The following EPHB2 variants were observed in gnomAD, a reference collection of about 807,000 sequenced individuals.
EPHB2 encodes EPH receptor B2, also known as ephrin type-B receptor 2.
Under a neutral mutation model 96.4 loss-of-function variants are expected in EPHB2, and 18 were observed. The ratio of observed to expected loss-of-function variants is 0.19; its 90% CI spans 0.13 to 0.28. The LOEUF (loss-of-function observed/expected upper bound fraction) is 0.28, where lower values mean the gene tolerates loss of function less well. Among genes scored for constraint, EPHB2 ranks in the 10% least tolerant of loss-of-function variants. The pLI is 1.00. For missense variants in EPHB2, 989 were observed against 1,355.4 expected, an observed-to-expected ratio of 0.73 and a Z score of 4.25; for synonymous variants, 506 against 534.1, an observed-to-expected ratio of 0.95 and a Z score of 0.72.
chr1:22,711,075 G>C (rs2148324923), intron 1 of EPHB2, 32 bp downstream of exon 1: 1 of 147,820 alleles, frequency 6.8e-6, no homozygotes, highest in East Asian at 2.0e-4. Flanking sequence ...CGGGCGATGG[G>C]GGCGGGGAGC....
chr1:22,881,848 C>T (rs1398518598), intron 5 of EPHB2, among the ~76,000 whole-genome samples: 1 of 152,154 alleles, frequency 6.6e-6, no homozygotes, highest in African/African-American at 2.4e-5. Flanking sequence ...CCACCTCAGC[C>T]TCCCAAAGTG....
chr1:22,719,773 A>C (rs751611014), intron 1 of EPHB2, among the ~76,000 whole-genome samples: 1 of 152,136 alleles, frequency 6.6e-6, no homozygotes, highest in Non-Finnish European at 1.5e-5. Flanking sequence ...GCCCATTGCC[A>C]GGGTTCAGGG....
chr1:22,774,684 A>G (rs1644423283), intron 1 of EPHB2: 1 of 916,362 alleles, frequency 1.1e-6, no homozygotes, highest in Admixed American at 6.2e-5. Context: ...TACCTTGTTA[A>G]GAGCTAGGAC....
chr1:22,840,422 G>A (rs1011318299), intron 3 of EPHB2, among the ~76,000 whole-genome samples: 1 of 152,132 alleles, frequency 6.6e-6, no homozygotes, highest in African/African-American at 2.4e-5. Flanking sequence ...GACCATCAGG[G>A]TGGTAAAACC....
At chr1:22,809,469 T>C (rs1644973614) in intron 3 of EPHB2, among the ~76,000 whole-genome samples, 1 of 152,246 alleles carries the variant, frequency 6.6e-6, no homozygotes, top group Non-Finnish European at 1.5e-5. Context: ...TAGTATCTGA[T>C]ATATTAATAT....
chr1:22,780,758 G>A (rs972973659), intron 1 of EPHB2, among the ~76,000 whole-genome samples: 11 of 152,250 alleles, frequency 7.2e-5, no homozygotes, highest in African/African-American at 2.4e-4. Flanking sequence ...GACCCTCCTC[G>A]TCCAGAAAAG....
intron 3 of EPHB2, among the ~76,000 whole-genome samples, chr1:22,789,833 A>T (rs1489799468): frequency 6.6e-6 from 1 of 152,172 alleles, no homozygotes; most frequent in African/African-American, 2.4e-5. Context: ...GTGCTTCAGG[A>T]AGGGCTTCCT....
chr1:22,824,154 A>T (rs914243680), intron 3 of EPHB2, among the ~76,000 whole-genome samples: 1 of 152,024 alleles, frequency 6.6e-6, no homozygotes, highest in Non-Finnish European at 1.5e-5. Flanking sequence ...TCATCAGTGG[A>T]TGGGAGAAAA....
At chr1:22,792,046 C>A (rs929274471) in intron 3 of EPHB2, among the ~76,000 whole-genome samples, 3 of 152,174 alleles carry the variant, frequency 2.0e-5, no homozygotes, top group African/African-American at 7.2e-5. Flanking sequence ...TGTTTCACTC[C>A]AGAATCCTGT....
chr1:22,716,769 C>T (rs1643305236), intron 1 of EPHB2, among the ~76,000 whole-genome samples: 1 of 152,200 alleles, frequency 6.6e-6, no homozygotes, highest in Non-Finnish European at 1.5e-5. Context: ...AGGCCCCTAA[C>T]AGGAAGGGGC....
At chr1:22,738,089 T>A (rs758149935) in intron 1 of EPHB2, among the ~76,000 whole-genome samples, 7 of 152,162 alleles carry the variant, frequency 4.6e-5, no homozygotes, top group Non-Finnish European at 1.0e-4. Context: ...TACTAACTTA[T>A]CGCAGAGTTG....
In EPHB2 at chr1:22,909,134, A is replaced by G. The variant is rs1010004400; in HGVS notation, c.2465A>G (p.Tyr822Cys). Residue 822 changes from tyrosine to cysteine, a missense_variant, in exon 13 of 16, where the codon TAT becomes TGT. Tyr to Cys is a radical substitution (Grantham distance 194). Transcript: ENST00000374630. ...YGIVMWEVMS[Y>C]GERPYWDMTN... ...ATTGTCATGTGGGAGGTGATGTCCT[A>G]TGGGGAGCGGCCCTACTGGGACATG... 4 of 1,614,206 alleles carry G rather than the reference A, an allele frequency of 2.5e-6. No homozygotes were observed. Among genetic ancestry groups the G allele is most frequent in the Non-Finnish European group, 3.4e-6 (4 of 1,180,032 alleles).
chr1:22,897,550 G>A (rs560619027), intron 9 of EPHB2, among the ~76,000 whole-genome samples: 1 of 150,410 alleles, frequency 6.6e-6, no homozygotes, highest in Non-Finnish European at 1.5e-5. Flanking sequence ...CACTTTGGGA[G>A]GCTGAGGCAG....
intron 6 of EPHB2, among the ~76,000 whole-genome samples, chr1:22,884,177 T>C (rs2148554028): frequency 6.6e-6 from 1 of 152,256 alleles, no homozygotes; most frequent in Admixed American, 6.5e-5. Context: ...ATTGTGTGAA[T>C]GAATGAGAGA....
chr1:22,733,469 C>T lies in EPHB2; in HGVS notation c.61+22426C>T, dbSNP rs1457335855. Among the ~76,000 whole-genome samples, 1 of 152,112 alleles carries T rather than the reference C, an allele frequency of 6.6e-6. No individual in the cohort carries two copies. The highest frequency in any genetic ancestry group is 1.9e-4 in the East Asian group (1 of 5,198). On this transcript the variant is annotated intron_variant, in intron 1 of 15. Coordinates refer to ENST00000374630, the MANE Select transcript of EPHB2 (RefSeq NM_017449.5). The surrounding 1 kb of genome is among the most constrained non-coding windows in gnomAD (Gnocchi z 4.6). ...ATGATATGAATGATGAAAATATTAG[C>T]GTTATACAATTTTAACATTCATGTT...
intron 3 of EPHB2, among the ~76,000 whole-genome samples, chr1:22,835,442 A>G (rs999515026): frequency 6.6e-6 from 1 of 151,696 alleles, no homozygotes; most frequent in Non-Finnish European, 1.5e-5. Flanking sequence ...ACACATACAC[A>G]CATATGTGTA....
At chr1:22,743,081 C>T (rs183191293) in intron 1 of EPHB2, among the ~76,000 whole-genome samples, 5 of 149,402 alleles carry the variant, frequency 3.3e-5, no homozygotes, top group East Asian at 2.0e-4. Context: ...TAGTAGAGAT[C>T]GAGTCTCACT....
rs2148516876 is a variant in EPHB2 at position 22,858,003 on chromosome 1, G to A, written c.812-5034G>A. Among the ~76,000 whole-genome samples, 1 of 152,192 alleles carries A rather than the reference G, an allele frequency of 6.6e-6. No individual in the cohort carries two copies. Among genetic ancestry groups the A allele is most frequent in the South Asian group, 2.1e-4 (1 of 4,806 alleles). ...CAAATTGTGATGAGGGTCAGTAAAG[G>A]AAACTGAGACTGAGACAGAACACAG... On this transcript the variant is annotated intron_variant, in intron 3 of 15. Transcript: ENST00000374630. The surrounding 1 kb of genome is among the most constrained non-coding windows in gnomAD (Gnocchi z 7.7).
chr1:22,893,667 G>C (rs1639463494), intron 7 of EPHB2, among the ~76,000 whole-genome samples: 1 of 152,158 alleles, frequency 6.6e-6, no homozygotes, highest in African/African-American at 2.4e-5. Context: ...AGCCCTAACT[G>C]TATGTGCCTG....
Sources: allele counts gnomAD v4.1 joint callset (sites outside exome capture counted in the v4.1 genomes callset), GRCh38; gene constraint gnomAD v4.1.1; non-coding constraint Gnocchi (gnomAD v3.1); transcripts MANE v1.5; gene names NCBI Gene and HGNC (gene_info 2026-07-23, HGNC 2026-07-21).